The following FBXO47 variants were observed in gnomAD, a reference collection of about 807,000 sequenced individuals.
The protein encoded by FBXO47 is F-box protein 47, also known as F-box only protein 47.
Under a neutral mutation model 53.9 loss-of-function variants are expected in FBXO47, and 34 were observed. That is an observed-to-expected ratio of 0.63 (90% CI 0.48 to 0.84). The LOEUF is 0.84. Among genes scored for constraint, FBXO47 ranks in the 40% least tolerant of loss-of-function variants. FBXO47 has a pLI of 0.00. For missense variants in FBXO47, 485 were observed against 541.3 expected, an observed-to-expected ratio of 0.90 and a Z score of 1.03; for synonymous variants, 165 against 181.6, an observed-to-expected ratio of 0.91 and a Z score of 0.73.
At chr17:38,944,217 G>GTGTA (rs1904640103) in intron 7 of FBXO47, among the ~76,000 whole-genome samples, 1 of 150,822 alleles carries the variant, frequency 6.6e-6, no homozygotes, top group Admixed American at 6.6e-5. Flanking sequence ...GTGTGTGTGT[G>GTGTA]TGTGTGTGTG....
chr17:38,963,802 GTTTT>G lies in FBXO47; in HGVS notation c.-26-755_-26-752del, dbSNP rs377210713. Among the ~76,000 whole-genome samples, 305 of 128,624 alleles carry G rather than the reference GTTTT, an allele frequency of 2.4e-3. 1 individual carries two copies. Among genetic ancestry groups the G allele is most frequent in the African/African-American group, 8.4e-3 (299 of 35,512 alleles). 84.4% of individuals were successfully genotyped at this position (128,624 alleles called of 152,430 possible). On this transcript the variant is annotated intron_variant, in intron 1 of 10. Transcript: ENST00000378079. ...TTGTTGTTGTTGTTGTTGTTTTGTT[GTTTT>G]TTTTTTTTTTGTCAAGGTCTTGCTC...
intron 6 of FBXO47, among the ~76,000 whole-genome samples, chr17:38,948,100 C>T (rs1905029704): frequency 6.6e-6 from 1 of 151,842 alleles, no homozygotes; most frequent in South Asian, 2.1e-4. Context: ...TTCAAAAAGA[C>T]ATCCTGTTCT....
chr17:38,961,454 C>T (rs933409620), intron 3 of FBXO47, among the ~76,000 whole-genome samples: 13 of 152,024 alleles, frequency 8.6e-5, no homozygotes, highest in Non-Finnish European at 1.5e-4. Flanking sequence ...CTTAAAAAAC[C>T]GTAGTTTCTG....
At chr17:38,964,938 C>G (rs952269950) in intron 1 of FBXO47, among the ~76,000 whole-genome samples, 1 of 152,136 alleles carries the variant, frequency 6.6e-6, no homozygotes, top group African/African-American at 2.4e-5. Context: ...CTGCCTCAGC[C>G]TCCCAAGTAG....
chr17:38,944,947 G>C lies in FBXO47; in HGVS notation c.793+13C>G. The C allele has an allele frequency of 1.2e-6, 2 of 1,609,328 alleles. No individual in the cohort carries two copies. Among genetic ancestry groups the C allele is most frequent in the South Asian group, 2.2e-5 (2 of 90,826 alleles). On this transcript the variant is annotated intron_variant, in intron 7 of 10. Coordinates refer to ENST00000378079, the MANE Select transcript of FBXO47 (RefSeq NM_001008777.3). ...AACCAGTTATGTTACAACCCTGAAA[G>C]ATGGGTGCTCACCATCTTGAGGAGA... is the stretch of plus-strand genomic sequence containing the variant.
At chr17:38,946,321 T>TAG (rs1191615867) in intron 6 of FBXO47, among the ~76,000 whole-genome samples, 3 of 95,326 alleles carry the variant, frequency 3.1e-5, no homozygotes, top group African/African-American at 1.4e-4. Context: ...TATAAATATA[T>TAG]ATAAATATAT....
At chr17:38,953,956 G>A (rs1043661901) in intron 5 of FBXO47, among the ~76,000 whole-genome samples, 1 of 152,104 alleles carries the variant, frequency 6.6e-6, no homozygotes, top group Admixed American at 6.6e-5. Flanking sequence ...AGATTCTTAC[G>A]GGTGCAGTGC....
chr17:38,947,708 G>A (rs1331858348), intron 6 of FBXO47, among the ~76,000 whole-genome samples: 1 of 152,118 alleles, frequency 6.6e-6, no homozygotes, highest in Admixed American at 6.6e-5. Context: ...AGGAGATTGA[G>A]ACCATCCTGG....
chr17:38,946,038 AATAT>A (rs1217701043), intron 6 of FBXO47, among the ~76,000 whole-genome samples: 1 of 132,988 alleles, frequency 7.5e-6, no homozygotes, highest in Non-Finnish European at 1.5e-5. Context: ...AATATATATA[AATAT>A]ATATAAAATA....
At chr17:38,946,656 ATG>A (rs1308893780) in intron 6 of FBXO47, among the ~76,000 whole-genome samples, 2 of 19,802 alleles carry the variant, frequency 1.0e-4, no homozygotes, top group Non-Finnish European at 7.6e-5. Flanking sequence ...ATAAATATAT[ATG>A]AATATATAAA....
intron 1 of FBXO47, among the ~76,000 whole-genome samples, chr17:38,963,806 T>G (rs866799942): frequency 0.025 from 3,754 of 147,386 alleles, 154 homozygotes; most frequent in African/African-American, 0.089. Flanking sequence ...TTTGTTGTTT[T>G]TTTTTTTTTT....
chr17:38,949,866 G>A (rs1317285229), intron 6 of FBXO47, among the ~76,000 whole-genome samples: 1 of 152,002 alleles, frequency 6.6e-6, no homozygotes, highest in Non-Finnish European at 1.5e-5. Flanking sequence ...TGAGTAGCTG[G>A]GATTACAGGT....
chr17:38,941,620 T>TATATATATATATATATA (rs372467875), intron 9 of FBXO47, among the ~76,000 whole-genome samples: 20 of 115,190 alleles, frequency 1.7e-4, no homozygotes, highest in Non-Finnish European at 3.2e-4. Context: ...AAATATAATA[T>TATATATATATATATATA]TATATATATA....
chr17:38,946,941 T>A (rs1471155583), intron 6 of FBXO47, among the ~76,000 whole-genome samples: 2 of 117,480 alleles, frequency 1.7e-5, no homozygotes, highest in Non-Finnish European at 3.2e-5. Flanking sequence ...TAAATATATA[T>A]AAACATATAT....
chr17:38,946,370 AT>A (rs1904834585), intron 6 of FBXO47, among the ~76,000 whole-genome samples: 40 of 88,708 alleles, frequency 4.5e-4, no homozygotes, highest in Admixed American at 1.6e-3. Flanking sequence ...AAATATATAG[AT>A]ATATATATAA....
At chr17:38,937,356 A>G (rs950469296) in intron 10 of FBXO47, 66 bp from the exon 11 acceptor site, 3 of 545,038 alleles carry the variant, frequency 5.5e-6, no homozygotes, top group African/African-American at 4.0e-5. Flanking sequence ...AATTTATTTT[A>G]TTAATTAATT....
chr17:38,947,091 T>A (rs1231360038), intron 6 of FBXO47, among the ~76,000 whole-genome samples: 2 of 136,658 alleles, frequency 1.5e-5, no homozygotes, highest in Non-Finnish European at 3.1e-5. Flanking sequence ...AACATATATA[T>A]AAACATATAT....
At chr17:38,941,482 T>TGTCATAAACTATAATA (rs1904501368) in intron 9 of FBXO47, among the ~76,000 whole-genome samples, 1 of 151,580 alleles carries the variant, frequency 6.6e-6, no homozygotes. Flanking sequence ...TTTTTAAACA[T>TGTCATAAACTATAATA]TTTTATTATA....
At chr17:38,944,304 T>G (rs943798128) in intron 7 of FBXO47, among the ~76,000 whole-genome samples, 16 of 150,902 alleles carry the variant, frequency 1.1e-4, no homozygotes, top group African/African-American at 3.7e-4. Flanking sequence ...GGTGGGAGGA[T>G]CACTTGAGCC....
Sources: allele counts gnomAD v4.1 joint callset (sites outside exome capture counted in the v4.1 genomes callset), GRCh38; gene constraint gnomAD v4.1.1; transcripts MANE v1.5; gene names NCBI Gene and HGNC (gene_info 2026-07-23, HGNC 2026-07-21).